Variants in ROBO2 observed in about 807,000 individuals in gnomAD.
ROBO2 encodes the protein roundabout homolog 2.
In ROBO2, 53 loss-of-function variants were observed where a neutral mutation model predicts 160.8. The observed-to-expected ratio is 0.33, with a 90% CI of 0.26 to 0.41. The LOEUF (loss-of-function observed/expected upper bound fraction) is 0.41. Ranked by LOEUF, ROBO2 falls within the 10% of genes least tolerant of loss-of-function variation. The pLI is 1.00. For missense variants in ROBO2, 1,577 were observed against 1,722.4 expected (o/e 0.92, Z 1.49); for synonymous variants, 664 against 611.7 (o/e 1.09, Z -1.26).
intron 2 of ROBO2, among the ~76,000 whole-genome samples, chr3:76,483,364 T>TCC (rs2079312572): frequency 1.3e-5 from 2 of 152,056 alleles, no homozygotes; most frequent in Non-Finnish European, 1.5e-5. Context: ...CTGTGCAGGT[T>TCC]TGTTACCTTG....
At chr3:76,328,232 A>G (rs995472953) in intron 2 of ROBO2, among the ~76,000 whole-genome samples, 3 of 152,204 alleles carry the variant, frequency 2.0e-5, no homozygotes, top group Non-Finnish European at 4.4e-5. Flanking sequence ...GATTATCTAC[A>G]TATTCCCGTC....
chr3:76,942,258 T>C (rs1319794144), intron 2 of ROBO2, among the ~76,000 whole-genome samples: 1 of 152,216 alleles, frequency 6.6e-6, no homozygotes, highest in Non-Finnish European at 1.5e-5. Context: ...AGCTCCAACT[T>C]TGACATTTTT....
At chr3:76,359,861 G>C (rs2075401189) in intron 2 of ROBO2, among the ~76,000 whole-genome samples, 1 of 151,958 alleles carries the variant, frequency 6.6e-6, no homozygotes, top group Non-Finnish European at 1.5e-5. Flanking sequence ...ATATTATAGA[G>C]AGAACTCTCC....
At chr3:76,772,876 G>A (rs2108515825) in intron 2 of ROBO2, among the ~76,000 whole-genome samples, 1 of 151,240 alleles carries the variant, frequency 6.6e-6, no homozygotes, top group East Asian at 2.0e-4. Flanking sequence ...TTGAATTGGA[G>A]CAGTAATGGA....
chr3:76,749,513 C>T (rs1163677737), intron 2 of ROBO2, among the ~76,000 whole-genome samples: 1 of 151,936 alleles, frequency 6.6e-6, no homozygotes, highest in Non-Finnish European at 1.5e-5. Flanking sequence ...GTTAGCTATA[C>T]CATCACAAGT....
chr3:76,689,730 G>A (rs928582954), intron 2 of ROBO2, among the ~76,000 whole-genome samples: 3 of 152,142 alleles, frequency 2.0e-5, no homozygotes, highest in Non-Finnish European at 4.4e-5. Flanking sequence ...CAGTAGTTCT[G>A]CATAGGCATT....
In ROBO2 at chr3:76,231,638, G is replaced by C. The variant is rs145779735; in HGVS notation, c.109+294036G>C. On this transcript the variant is annotated intron_variant, in intron 2 of 26. Coordinates refer to the ROBO2 transcript ENST00000487694. The stretch of plus-strand genomic sequence containing the variant: ...ACTCTAACACAGTGGCTGGCCTGTA[G>C]CAGTTGGTGACTTTATTATTTAATA... Among the ~76,000 whole-genome samples, 247 of 152,296 alleles carry C rather than the reference G, an allele frequency of 1.6e-3. 1 individual carries two copies. The highest frequency in any genetic ancestry group is 5.9e-3 in the African/African-American group (245 of 41,570).
At chr3:76,017,624 T>A (rs1265899239) in intron 2 of ROBO2, among the ~76,000 whole-genome samples, 1 of 152,102 alleles carries the variant, frequency 6.6e-6, no homozygotes, top group Non-Finnish European at 1.5e-5. Context: ...TCCAAACACT[T>A]TGTCATATTT....
At chr3:76,910,725 C>CAAAAAAAAAAAAA (rs10662303) in intron 2 of ROBO2, among the ~76,000 whole-genome samples, 1 of 35,518 alleles carries the variant, frequency 2.8e-5, no homozygotes, top group Non-Finnish European at 5.0e-5. Context: ...AACTCTGTCT[C>CAAAAAAAAAAAAA]AAAAAAAAAA....
chr3:76,108,952 A>G (rs1003194805), intron 2 of ROBO2, among the ~76,000 whole-genome samples: 1 of 150,476 alleles, frequency 6.6e-6, no homozygotes, highest in African/African-American at 2.5e-5. Context: ...ATATAAGGTT[A>G]TATGATAATA....
intron 2 of ROBO2, among the ~76,000 whole-genome samples, chr3:76,750,870 C>T (rs1330739344): frequency 6.6e-6 from 1 of 151,990 alleles, no homozygotes; most frequent in East Asian, 1.9e-4. Flanking sequence ...GCCATACTGC[C>T]AAAGGTAATT....
chr3:76,997,743 A>G (rs935038665), intron 2 of ROBO2, among the ~76,000 whole-genome samples: 3 of 152,180 alleles, frequency 2.0e-5, no homozygotes, highest in African/African-American at 7.2e-5. Context: ...TTTTTGCTGC[A>G]TAAGTATTGA....
At chr3:76,982,823 T>C (rs2060164895) in intron 2 of ROBO2, among the ~76,000 whole-genome samples, 1 of 152,224 alleles carries the variant, frequency 6.6e-6, no homozygotes, top group South Asian at 2.1e-4. Context: ...TGTGTTTTTG[T>C]TTCATTTCAC....
intron 2 of ROBO2, among the ~76,000 whole-genome samples, chr3:76,987,420 A>G (rs193267544): frequency 1.1e-3 from 159 of 146,798 alleles, no homozygotes; most frequent in Admixed American, 2.6e-3. Flanking sequence ...CTTCCCTTTG[A>G]TTGAAATCTT....
chr3:77,545,705 A>C (rs1340015161), intron 6 of ROBO2, among the ~76,000 whole-genome samples: 4 of 152,204 alleles, frequency 2.6e-5, no homozygotes, highest in Admixed American at 2.6e-4. Context: ...ACTAACCTTT[A>C]TCTATCTAAA....
At chr3:76,405,409 T>G (rs990895903) in intron 2 of ROBO2, among the ~76,000 whole-genome samples, 7 of 151,660 alleles carry the variant, frequency 4.6e-5, no homozygotes, top group African/African-American at 1.5e-4. Context: ...GATTTTGGAA[T>G]GTACAGAGGC....
chr3:77,037,602 G>A (rs953180560), upstream of ROBO2, among the ~76,000 whole-genome samples: 1 of 152,140 alleles, frequency 6.6e-6, no homozygotes, highest in African/African-American at 2.4e-5. Flanking sequence ...CTGCCCTAAA[G>A]GACCATGGCA....
chr3:77,434,651 G>A (rs2079106506), intron 2 of ROBO2, among the ~76,000 whole-genome samples: 1 of 152,096 alleles, frequency 6.6e-6, no homozygotes, highest in Admixed American at 6.6e-5. Flanking sequence ...AGAAGGTTTA[G>A]TGCTTATTTG....
At chr3:77,303,973 T>C (rs2062878388) in intron 2 of ROBO2, among the ~76,000 whole-genome samples, 1 of 152,058 alleles carries the variant, frequency 6.6e-6, no homozygotes, top group Non-Finnish European at 1.5e-5. Context: ...TGACAGAAAA[T>C]AGACTCATGT....
Sources: allele counts gnomAD v4.1 joint callset (sites outside exome capture counted in the v4.1 genomes callset), GRCh38; gene constraint gnomAD v4.1.1; transcripts MANE v1.5; gene names NCBI Gene and HGNC (gene_info 2026-07-23, HGNC 2026-07-21).